Variants in GPM6B observed in about 807,000 individuals in gnomAD.
GPM6B encodes the protein glycoprotein M6B.
In GPM6B, 4 loss-of-function variants were observed where a neutral mutation model predicts 27.2. The ratio of observed to expected loss-of-function variants is 0.15; its 90% CI spans 0.07 to 0.34. The LOEUF is 0.34. GPM6B is among the 10% of genes least tolerant of loss of function. The pLI is 1.00. For missense variants in GPM6B, 183 were observed against 261.9 expected (o/e 0.70, Z 2.08); for synonymous variants, 124 against 103.1 (o/e 1.20, Z -1.23).
intron 1 of GPM6B, among the ~76,000 whole-genome samples, chrX:13,885,276 CATATT>C (rs951278850): frequency 2.7e-5 from 3 of 112,239 alleles, no homozygotes; most frequent in African/African-American, 9.7e-5. Flanking sequence ...CCCAAACTAA[CATATT>C]AGATAACATA....
Position 13,812,966 on chromosome X carries a change from G to C in GPM6B, c.61+3878C>G, listed in dbSNP as rs1223283366. 6 of 107,010 alleles carry C rather than the reference G, an allele frequency of 5.6e-5. No individual in the cohort carries two copies. In the Admixed American group the frequency reaches 6.0e-4, roughly 11 times the overall value. The allele number at this position is 107,010 out of a possible 1,213,427, so 8.8% of individuals were successfully genotyped here. ...GTATCATACCTACCACATATGTTCC[G>C]CACCATCTGGCCAGCCACTTTTCTC... is the stretch of plus-strand genomic sequence containing the variant. On this transcript the variant is annotated intron_variant, in intron 1 of 7. Coordinates refer to ENST00000316715, the MANE Select transcript of GPM6B (RefSeq NM_001001995.3).
At chrX:13,935,828 T>C (rs1448101893) in intron 1 of GPM6B, among the ~76,000 whole-genome samples, 1 of 112,363 alleles carries the variant, frequency 8.9e-6, no homozygotes, top group Non-Finnish European at 1.9e-5. Flanking sequence ...ATGGAACCCT[T>C]CAGCCAGAGA....
upstream of GPM6B, chrX:13,817,381 G>A (rs990746809): frequency 1.6e-5 from 12 of 747,988 alleles, no homozygotes; most frequent in Non-Finnish European, 3.1e-6. Flanking sequence ...AATTCTCCCA[G>A]GAAAAAATAG....
intron 1 of GPM6B, among the ~76,000 whole-genome samples, chrX:13,845,691 T>C (rs766911608): frequency 1.8e-5 from 2 of 111,976 alleles, no homozygotes; most frequent in South Asian, 7.6e-4. Context: ...ACTAGTTATA[T>C]ATTTATAAAT....
At chrX:13,891,077 A>G (rs2050183842) in intron 1 of GPM6B, among the ~76,000 whole-genome samples, 1 of 111,478 alleles carries the variant, frequency 9.0e-6, no homozygotes, top group Non-Finnish European at 1.9e-5. Flanking sequence ...GTTGAGAGCC[A>G]CTGAACTAGT....
chrX:13,880,599 C>A (rs1192859108), intron 1 of GPM6B, among the ~76,000 whole-genome samples: 1 of 98,304 alleles, frequency 1.0e-5, no homozygotes, highest in African/African-American at 4.0e-5. Context: ...TGGTGTGAAC[C>A]CGGGAGGCAG....
chrX:13,774,894 A>C (rs115163466), intron 7 of GPM6B, among the ~76,000 whole-genome samples: 1,613 of 112,225 alleles, frequency 0.014, 31 homozygotes, highest in African/African-American at 0.048. Context: ...AGCTGGGTCA[A>C]CAGCATGAGA....
At chrX:13,774,146 CATTTCATCTTCAGCACTTGTTTTCA>C in intron 7 of GPM6B, 1 of 758,518 alleles carries the variant, frequency 1.3e-6, no homozygotes, top group Non-Finnish European at 1.6e-6. Flanking sequence ...GGTTCTCTTC[CATTTCATCTTCAGCACTTGTTTTCA>C]TTTTCATCAT....
Position 13,807,643 on chromosome X carries a change from T to C in GPM6B, c.181+7A>G, listed in dbSNP as rs749555767. The C allele has an allele frequency of 8.6e-7, 1 of 1,162,186 alleles. No individual in the cohort carries two copies. Among genetic ancestry groups the C allele is most frequent in the South Asian group, 2.0e-5 (1 of 49,078 alleles). The stretch of plus-strand genomic sequence containing the variant: ...GCTATTAGAATTCACCCCAAGGCTG[T>C]ATTTACCTGGACTGCTCAAGGGGCT... On this transcript the variant is annotated splice_region_variant and intron_variant, in intron 2 of 7. Coordinates refer to ENST00000316715, the MANE Select transcript of GPM6B (RefSeq NM_001001995.3).
At chrX:13,854,981 G>C (rs999135679) in intron 1 of GPM6B, among the ~76,000 whole-genome samples, 2 of 108,631 alleles carry the variant, frequency 1.8e-5, no homozygotes, top group African/African-American at 6.7e-5. Context: ...GCCAGGTAGA[G>C]CCCCCCTTGT....
chrX:13,781,785 C>G (rs1027783909), intron 4 of GPM6B, among the ~76,000 whole-genome samples: 6 of 111,964 alleles, frequency 5.4e-5, no homozygotes, highest in African/African-American at 1.6e-4. Flanking sequence ...TAAAACCAAG[C>G]TGTGCCCTGA....
intron 2 of GPM6B, among the ~76,000 whole-genome samples, chrX:13,795,620 T>C (rs1387376900): frequency 8.9e-6 from 1 of 111,982 alleles, no homozygotes; most frequent in Non-Finnish European, 1.9e-5. Context: ...AAATATTATT[T>C]TCTTTTTGAA....
At chrX:13,785,257 C>T (rs1454530864) in intron 3 of GPM6B, among the ~76,000 whole-genome samples, 1 of 111,650 alleles carries the variant, frequency 9.0e-6, no homozygotes, top group East Asian at 2.8e-4. Flanking sequence ...TTCTGAAAAA[C>T]ATCATGAGGT....
intron 2 of GPM6B, among the ~76,000 whole-genome samples, chrX:13,789,550 C>T (rs1000591082): frequency 6.3e-5 from 7 of 111,209 alleles, no homozygotes; most frequent in South Asian, 3.8e-4. Flanking sequence ...CCAAGACGGG[C>T]GGATCACGAG....
At chrX:13,938,150 A>C (rs1921934850) in intron 1 of GPM6B, among the ~76,000 whole-genome samples, 1 of 108,776 alleles carries the variant, frequency 9.2e-6, no homozygotes, top group Non-Finnish European at 1.9e-5. Flanking sequence ...GCAAGAAGCG[A>C]CTCTCTACTG....
At chrX:13,933,551 C>T (rs1265348673) in intron 1 of GPM6B, among the ~76,000 whole-genome samples, 1 of 112,262 alleles carries the variant, frequency 8.9e-6, no homozygotes, top group African/African-American at 3.2e-5. Context: ...GCCAGTTGTA[C>T]TTGTTACTAG....
chrX:13,791,695 G>A (rs938027682), intron 2 of GPM6B, among the ~76,000 whole-genome samples: 1 of 111,741 alleles, frequency 8.9e-6, no homozygotes, highest in South Asian at 3.8e-4. Context: ...CTTTTGTGCA[G>A]AACAACAGAA....
At chrX:13,936,635 TA>T (rs1189817696) in intron 1 of GPM6B, among the ~76,000 whole-genome samples, 1 of 112,505 alleles carries the variant, frequency 8.9e-6, no homozygotes, top group Non-Finnish European at 1.9e-5. Context: ...CTTTTTAATG[TA>T]AAAACTAAAA....
chrX:13,824,546 C>A (rs2049349184), intron 1 of GPM6B, among the ~76,000 whole-genome samples: 1 of 111,748 alleles, frequency 8.9e-6, no homozygotes, highest in African/African-American at 3.3e-5. Context: ...ACAATCAGAG[C>A]TGTTTTAGGA....
Sources: gnomAD v4.1 joint callset for allele counts (sites outside exome capture counted in the v4.1 genomes callset) on GRCh38, gnomAD v4.1.1 for gene constraint, MANE v1.5 for transcripts, NCBI Gene and HGNC (gene_info 2026-07-23, HGNC 2026-07-21) for gene names.